RANBP17: variants seen among roughly 807,000 people sequenced by gnomAD.
RANBP17 encodes the protein RAN binding protein 17.
A neutral mutation model predicts 141.2 loss-of-function variants in RANBP17; 158 were observed. That is an observed-to-expected ratio of 1.12 (90% CI 0.98 to 1.28). RANBP17 has a LOEUF of 1.28. Ranked by LOEUF, RANBP17 falls within the 50% of genes most tolerant of loss-of-function variation. The probability of loss-of-function intolerance (pLI) is 0.00; values close to 1 mark genes in which losing one functional copy is unlikely to be tolerated. For missense variants in RANBP17, 1,438 were observed against 1,290.7 expected (o/e 1.11, Z -1.75); for synonymous variants, 430 against 450.0 (o/e 0.96, Z 0.56).
At chr5:170,928,731 T>A (rs1773118458) in intron 12 of RANBP17, among the ~76,000 whole-genome samples, 1 of 151,848 alleles carries the variant, frequency 6.6e-6, no homozygotes, top group African/African-American at 2.4e-5. Context: ...TACTGTAGCA[T>A]TAATAATTCT....
intron 14 of RANBP17, among the ~76,000 whole-genome samples, chr5:171,017,147 G>A (rs1780493712): frequency 6.6e-6 from 1 of 152,020 alleles, no homozygotes; most frequent in Admixed American, 6.6e-5. Context: ...TCTTTATCCA[G>A]TCTATCATTG....
chr5:171,135,295 A>AAG (rs1415995606), intron 14 of RANBP17, among the ~76,000 whole-genome samples: 1 of 151,866 alleles, frequency 6.6e-6, no homozygotes, highest in East Asian at 1.9e-4. Context: ...AAAAAAAAAA[A>AAG]AAGAATAATT....
chr5:171,231,297 G>A (rs1764194990), intron 22 of RANBP17, among the ~76,000 whole-genome samples: 1 of 151,864 alleles, frequency 6.6e-6, no homozygotes, highest in African/African-American at 2.4e-5. Flanking sequence ...ATAAAATTAT[G>A]TCTACCTTTC....
At chr5:171,125,827 G>C (rs1756414190) in intron 14 of RANBP17, among the ~76,000 whole-genome samples, 1 of 148,248 alleles carries the variant, frequency 6.7e-6, no homozygotes, top group Non-Finnish European at 1.5e-5. Context: ...GTCTTGCTCT[G>C]TCGCCCAGGC....
intron 1 of RANBP17, among the ~76,000 whole-genome samples, 166 bp downstream of exon 1, chr5:170,862,217 T>G (rs10475962): frequency 0.61 from 92,566 of 151,940 alleles, 30,060 homozygotes; most frequent in South Asian, 0.88. Flanking sequence ...ACCGGGACAC[T>G]GGTCTGGGCT....
At chr5:171,252,224 A>G (rs1765618329) in intron 24 of RANBP17, 1 of 1,572,770 alleles carries the variant, frequency 6.4e-7, no homozygotes, top group Non-Finnish European at 8.7e-7. Flanking sequence ...ACAATTGCTG[A>G]TATTTTACAA....
chr5:171,028,801 C>T, intron 14 of RANBP17: 1 of 714,568 alleles, frequency 1.4e-6, no homozygotes, highest in Admixed American at 2.4e-5. Context: ...CCTTTTTTCC[C>T]TCTCCTAAGA....
At position 171,089,684 on chromosome 5, in the gene RANBP17, T is replaced by G. The variant is rs1423017079; in HGVS notation, c.1711-80446T>G. ...TGGTGCGCCGTTTTTTAAGCCGGTC[T>G]GAAAAGCGCAATATTCGGGTGGGAG... On this transcript the variant is annotated intron_variant, in intron 14 of 27. Coordinates refer to ENST00000523189, the MANE Select transcript of RANBP17 (RefSeq NM_022897.5). Among the ~76,000 whole-genome samples, 6 of 152,042 alleles carry G rather than the reference T, an allele frequency of 3.9e-5. No homozygotes were observed. In the East Asian group the frequency reaches 9.7e-4, roughly 25 times the overall value.
chr5:170,928,840 A>G (rs1299961142), intron 12 of RANBP17, among the ~76,000 whole-genome samples: 5 of 150,096 alleles, frequency 3.3e-5, no homozygotes, highest in African/African-American at 7.4e-5. Flanking sequence ...TAGCATCAGC[A>G]TCTCAGTTTC....
At chr5:171,095,047 C>T (rs1297440601) in intron 14 of RANBP17, among the ~76,000 whole-genome samples, 1 of 152,080 alleles carries the variant, frequency 6.6e-6, no homozygotes, top group African/African-American at 2.4e-5. Context: ...GCACAGAGGC[C>T]CTTGTCAGAT....
intron 13 of RANBP17, among the ~76,000 whole-genome samples, chr5:170,955,452 G>GTA (rs1224073239): frequency 2.7e-4 from 21 of 77,994 alleles, no homozygotes; most frequent in Admixed American, 6.0e-4. Flanking sequence ...AAAGAGCTCA[G>GTA]TATATATATA....
intron 24 of RANBP17, among the ~76,000 whole-genome samples, chr5:171,247,722 C>G (rs1386018752): frequency 2.6e-5 from 4 of 152,152 alleles, no homozygotes; most frequent in African/African-American, 9.7e-5. Context: ...CTCTGAACTC[C>G]TTCATTCAGT....
At chr5:171,149,960 A>G (rs1018089135) in intron 14 of RANBP17, among the ~76,000 whole-genome samples, 10 of 152,186 alleles carry the variant, frequency 6.6e-5, no homozygotes, top group African/African-American at 2.2e-4. Flanking sequence ...ACTAGTGAAC[A>G]GATGTGGGGG....
intron 14 of RANBP17, among the ~76,000 whole-genome samples, chr5:171,069,062 G>A (rs1040201189): frequency 1.3e-5 from 2 of 152,180 alleles, no homozygotes; most frequent in African/African-American, 4.8e-5. Flanking sequence ...TGACCTGACA[G>A]CAGTTTACCT....
At chr5:170,877,977 G>A (rs1364172956) in intron 1 of RANBP17, 120 bp from the exon 2 acceptor site, 20 of 620,352 alleles carry the variant, frequency 3.2e-5, no homozygotes, top group Middle Eastern at 4.7e-4. Flanking sequence ...GTTGTATATC[G>A]ATAAACATGT....
At chr5:171,015,778 G>C (rs1203473888) in intron 14 of RANBP17, among the ~76,000 whole-genome samples, 2 of 152,050 alleles carry the variant, frequency 1.3e-5, no homozygotes, top group Non-Finnish European at 2.9e-5. Context: ...CGTAGTCTAG[G>C]ACTAATTTTT....
At chr5:171,071,019 C>T (rs1399824989) in intron 14 of RANBP17, among the ~76,000 whole-genome samples, 1 of 151,880 alleles carries the variant, frequency 6.6e-6, no homozygotes, top group Non-Finnish European at 1.5e-5. Context: ...GCCAGAAATT[C>T]CTAGAAATAA....
intron 14 of RANBP17, among the ~76,000 whole-genome samples, chr5:170,972,404 G>T (rs190012510): frequency 6.6e-6 from 1 of 151,896 alleles, no homozygotes; most frequent in African/African-American, 2.4e-5. Flanking sequence ...GGCTGGTTTC[G>T]AACTCCTGAC....
At chr5:170,919,379 CT>C in intron 10 of RANBP17, 61 bp from the exon 11 acceptor site, 1 of 1,124,236 alleles carries the variant, frequency 8.9e-7, no homozygotes, top group Non-Finnish European at 1.2e-6. Flanking sequence ...TAATTTTATT[CT>C]GTAATTCTTA....
Sources: gnomAD v4.1 joint callset for allele counts (sites outside exome capture counted in the v4.1 genomes callset) on GRCh38, gnomAD v4.1.1 for gene constraint, MANE v1.5 for transcripts, NCBI Gene and HGNC (gene_info 2026-07-23, HGNC 2026-07-21) for gene names.